The following FRMPD1 variants were observed in gnomAD, a reference collection of about 807,000 sequenced individuals.
FRMPD1 encodes the protein FERM and PDZ domain-containing protein 1.
Under a neutral mutation model 117.8 loss-of-function variants are expected in FRMPD1, and 76 were observed. The ratio of observed to expected loss-of-function variants is 0.65; its 90% CI spans 0.54 to 0.78. The LOEUF (loss-of-function observed/expected upper bound fraction) is 0.78. Ranked by LOEUF, FRMPD1 falls within the 30% of genes least tolerant of loss-of-function variation. The probability of loss-of-function intolerance (pLI) is 0.00; values close to 1 mark genes in which losing one functional copy is unlikely to be tolerated. For synonymous variants in FRMPD1, 783 were observed against 770.4 expected, an observed-to-expected ratio of 1.02 and a Z score of -0.27; for missense variants, 1,786 against 1,964.5, an observed-to-expected ratio of 0.91 and a Z score of 1.72.
the FRMPD1 span, among the ~76,000 whole-genome samples, chr9:37,621,142 C>T: frequency 4.6e-5 from 7 of 152,046 alleles, no homozygotes; most frequent in Non-Finnish European, 8.8e-5. Flanking sequence ...ATCAGGAAGG[C>T]AAAGAATGAG....
chr9:37,637,340 G>GCCT, the FRMPD1 span: 3 of 905,948 alleles, frequency 3.3e-6, no homozygotes, highest in African/African-American at 3.3e-5. Context: ...GCTCTGCTCC[G>GCCT]CCTCCCGTTC....
Position 37,692,715 on chromosome 9 carries a change from T to G in FRMPD1, c.74T>G (p.Leu25Arg), listed in dbSNP as rs772463309. 2 of 1,613,948 alleles carry G rather than the reference T, an allele frequency of 1.2e-6. No individual in the cohort carries two copies. The highest frequency in any genetic ancestry group is 1.7e-6 in the Non-Finnish European group (2 of 1,179,822). ...HRIEQMVARW[L>R]RRSRDSSARA... is the part of the protein sequence containing the mutation. ...ATAGAACAAATGGTGGCAAGATGGC[T>G]TCGGCGCTCCCGGGACAGCTCGGCC... Residue 25 changes from leucine to arginine, a missense_variant, in exon 2 of 16, where the codon CTT (leucine) becomes CGT (arginine). Transcript: ENST00000377765.
intron 1 of FRMPD1, among the ~76,000 whole-genome samples, chr9:37,689,224 G>A (rs192975645): frequency 5.7e-4 from 86 of 151,946 alleles, no homozygotes; most frequent in Non-Finnish European, 1.1e-3. Flanking sequence ...TCACCATATC[G>A]TTCCAATATC....
intron 1 of FRMPD1, among the ~76,000 whole-genome samples, chr9:37,651,690 A>C (rs1198851123): frequency 6.6e-6 from 1 of 152,172 alleles, no homozygotes; most frequent in African/African-American, 2.4e-5. Flanking sequence ...GAAGCAGGGG[A>C]TGCCCCTAGG....
chr9:37,661,145 G>A (rs1034750063), intron 1 of FRMPD1, among the ~76,000 whole-genome samples: 1 of 152,194 alleles, frequency 6.6e-6, no homozygotes, highest in African/African-American at 2.4e-5. Flanking sequence ...TGGAACTGCT[G>A]CCTGTTGTTC....
At chr9:37,644,250 C>T in the FRMPD1 span, among the ~76,000 whole-genome samples, 1 of 151,646 alleles carries the variant, frequency 6.6e-6, no homozygotes, top group Middle Eastern at 3.4e-3. Context: ...TTCTTCCTCT[C>T]CTGTTGAGAG....
At chr9:37,733,016 G>T (rs2026546) in intron 10 of FRMPD1, among the ~76,000 whole-genome samples, 46,251 of 151,904 alleles carry the variant, frequency 0.3, 7,403 homozygotes, top group East Asian at 0.45. Context: ...CCAATCTCTC[G>T]CAGCAGGGCC....
chr9:37,627,044 G>A, the FRMPD1 span, among the ~76,000 whole-genome samples: 27 of 151,668 alleles, frequency 1.8e-4, no homozygotes, highest in Non-Finnish European at 3.5e-4. Flanking sequence ...CTCCACCTTC[G>A]AGGCGATCTT....
intron 6 of FRMPD1, among the ~76,000 whole-genome samples, chr9:37,720,252 G>A (rs1823332962): frequency 6.6e-6 from 1 of 152,248 alleles, no homozygotes; most frequent in South Asian, 2.1e-4. Context: ...TTTGAGTCAT[G>A]TTTGTGAAAT....
At chr9:37,636,953 A>T in the FRMPD1 span, 1 of 1,601,236 alleles carries the variant, frequency 6.2e-7, no homozygotes, top group Non-Finnish European at 8.5e-7. Flanking sequence ...GAGCTTATTG[A>T]CGTTCTCGCT....
chr9:37,618,062 C>T, the FRMPD1 span, among the ~76,000 whole-genome samples: 1 of 152,116 alleles, frequency 6.6e-6, no homozygotes, highest in African/African-American at 2.4e-5. Flanking sequence ...CACAGACAAT[C>T]GCAGACCAAT....
At chr9:37,675,376 G>A (rs564962284) in intron 1 of FRMPD1, among the ~76,000 whole-genome samples, 25 of 151,446 alleles carry the variant, frequency 1.7e-4, no homozygotes, top group Admixed American at 7.9e-4. Flanking sequence ...AGGCGAGATC[G>A]TGCCACTGCA....
intron 2 of FRMPD1, among the ~76,000 whole-genome samples, chr9:37,695,036 T>C (rs1822272917): frequency 6.6e-6 from 1 of 152,182 alleles, no homozygotes; most frequent in Non-Finnish European, 1.5e-5. Context: ...GATAGATAGA[T>C]AGATAGATAG....
chr9:37,645,618 A>G, the FRMPD1 span, among the ~76,000 whole-genome samples: 1 of 152,240 alleles, frequency 6.6e-6, no homozygotes, highest in Non-Finnish European at 1.5e-5. Context: ...CAGTACACAG[A>G]TAATGAACTT....
rs1588935280 is a variant in FRMPD1 at position 37,695,382 on chromosome 9, A to G, written c.101+2640A>G. On this transcript the variant is annotated intron_variant, in intron 2 of 15. Coordinates refer to ENST00000377765, the MANE Select transcript of FRMPD1 (RefSeq NM_014907.3). ...GGAATGTTGTCTCATTGTGGTTTTT[A>G]TCTGCATTTCCTTGGTGGTTAATGA... 2.0e-5 allele frequency among the ~76,000 whole-genome samples: 3 copies of G among 152,218 alleles called. No homozygotes were observed. In the South Asian group the frequency reaches 6.2e-4, roughly 32 times the overall value.
chr9:37,698,771 T>A (rs1822424150), intron 2 of FRMPD1, among the ~76,000 whole-genome samples: 1 of 150,928 alleles, frequency 6.6e-6, no homozygotes, highest in African/African-American at 2.4e-5. Flanking sequence ...GGAGTTTCAC[T>A]CTTGTTGCCC....
chr9:37,705,338 G>C (rs1364410529), intron 2 of FRMPD1, among the ~76,000 whole-genome samples: 1 of 152,082 alleles, frequency 6.6e-6, no homozygotes, highest in Non-Finnish European at 1.5e-5. Flanking sequence ...TTGTTTGTTT[G>C]TTTGTTTTTG....
chr9:37,692,434 T>G (rs1008957468), intron 1 of FRMPD1, among the ~76,000 whole-genome samples: 1 of 152,226 alleles, frequency 6.6e-6, no homozygotes, highest in Non-Finnish European at 1.5e-5. Flanking sequence ...CCAGTCTGTT[T>G]GCTGCAAGAT....
upstream of FRMPD1, among the ~76,000 whole-genome samples, chr9:37,648,162 A>G (rs1342033576): frequency 1.0e-5 from 1 of 95,750 alleles, no homozygotes; most frequent in Non-Finnish European, 2.0e-5. Context: ...TCCCTTTGCA[A>G]AGGAAAAAAA....
Sources: allele counts gnomAD v4.1 joint callset (sites outside exome capture counted in the v4.1 genomes callset), GRCh38; gene constraint gnomAD v4.1.1; transcripts MANE v1.5; gene names NCBI Gene and HGNC (gene_info 2026-07-23, HGNC 2026-07-21).